The following STK39 variants were observed in gnomAD, a reference collection of about 807,000 sequenced individuals.
The protein encoded by STK39 is serine/threonine kinase 39.
In STK39, 20 loss-of-function variants were observed where a neutral mutation model predicts 77.8. The ratio of observed to expected loss-of-function variants is 0.26; its 90% confidence interval spans 0.18 to 0.37. STK39 has a LOEUF of 0.37. STK39 is among the 10% of genes least tolerant of loss of function. The pLI, the probability that STK39 is intolerant of heterozygous loss-of-function variation, is 1.00. For missense variants in STK39, 479 were observed against 656.5 expected, an observed-to-expected ratio of 0.73 and a Z score of 2.95; for synonymous variants, 246 against 234.1, an observed-to-expected ratio of 1.05 and a Z score of -0.47.
intron 10 of STK39, among the ~76,000 whole-genome samples, chr2:168,102,558 C>A (rs1258478626): frequency 1.3e-5 from 2 of 152,176 alleles, no homozygotes; most frequent in African/African-American, 4.8e-5. Flanking sequence ...CTCACAAATT[C>A]TGAGAAGGCT....
intron 8 of STK39, among the ~76,000 whole-genome samples, chr2:168,137,849 C>T (rs1687878384): frequency 6.6e-6 from 1 of 152,232 alleles, no homozygotes; most frequent in Admixed American, 6.5e-5. Flanking sequence ...TTAACAAGCA[C>T]AGTGAATCTT....
intron 14 of STK39, among the ~76,000 whole-genome samples, chr2:168,049,210 C>T (rs1685330766): frequency 6.6e-6 from 1 of 152,126 alleles, no homozygotes; most frequent in South Asian, 2.1e-4. Context: ...AATTCTCTCC[C>T]GGCTACCACC....
intron 16 of STK39, among the ~76,000 whole-genome samples, chr2:167,982,868 C>T (rs1559043580): frequency 6.6e-6 from 1 of 152,168 alleles, no homozygotes; most frequent in East Asian, 1.9e-4. Flanking sequence ...CTTTATGTTA[C>T]TCACCCCATC....
At chr2:168,158,915 C>A (rs1688501869) in intron 5 of STK39, among the ~76,000 whole-genome samples, 1 of 152,146 alleles carries the variant, frequency 6.6e-6, no homozygotes, top group Admixed American at 6.5e-5. Context: ...TTCAACAGAA[C>A]CAGGCTCATT....
intron 1 of STK39, among the ~76,000 whole-genome samples, chr2:168,239,966 C>T (rs1160214533): frequency 6.6e-6 from 1 of 152,174 alleles, no homozygotes; most frequent in Non-Finnish European, 1.5e-5. Flanking sequence ...ATGGTGTGTT[C>T]AATTCATGAA....
At position 168,022,116 on chromosome 2, in the gene STK39, A is replaced by G. The variant is rs192741689; in HGVS notation, c.1377-5021T>C. Reference sequence around the variant, plus strand: ...TTTTCTCATTCTTTTCTTTATAACTACATAGTTTTCTCTGGGATGCTACAG... The same window carrying G: ...TTTTCTCATTCTTTTCTTTATAACTGCATAGTTTTCTCTGGGATGCTACAG... On this transcript the variant is annotated intron_variant, in intron 14 of 17. Coordinates refer to ENST00000355999, the MANE Select transcript of STK39 (RefSeq NM_013233.3). Among the ~76,000 whole-genome samples the G allele has an allele frequency of 3.2e-3, 466 of 146,356 alleles. 3 individuals are homozygous for G. The highest frequency in any genetic ancestry group is 0.012 in the African/African-American group (429 of 36,006).
chr2:168,185,878 T>TTA (rs1380733093), intron 1 of STK39, among the ~76,000 whole-genome samples: 1 of 152,184 alleles, frequency 6.6e-6, no homozygotes, highest in Non-Finnish European at 1.5e-5. Flanking sequence ...GTTCACTAGA[T>TTA]AATAAAGTGC....
intron 5 of STK39, among the ~76,000 whole-genome samples, chr2:168,155,673 T>C (rs887406516): frequency 6.6e-6 from 1 of 152,216 alleles, no homozygotes; most frequent in African/African-American, 2.4e-5. Flanking sequence ...TTTAGCCTCA[T>C]GGCTTGCAGG....
chr2:168,169,726 C>T (rs903840520), intron 2 of STK39, among the ~76,000 whole-genome samples: 9 of 151,840 alleles, frequency 5.9e-5, no homozygotes, highest in African/African-American at 2.2e-4. Context: ...CTTCAAAACT[C>T]TGAGTCTTAG....
rs1690793138 is a variant in STK39, at chr2:168,242,563, ATATATATATATAT to A, written c.208+4652_208+4664del. Among the ~76,000 whole-genome samples, 13 of 57,882 alleles carry A rather than the reference ATATATATATATAT, an allele frequency of 2.2e-4. 2 individuals carry two copies. Among genetic ancestry groups the A allele is most frequent in the East Asian group, 6.2e-4 (1 of 1,614 alleles). 38.0% of individuals were successfully genotyped at this position (57,882 alleles called of 152,430 possible). A position where few individuals can be genotyped will look rare whatever the true frequency, so the allele number is the denominator to read the frequency against. ...GACTCTTACAAAAAAAAAAAAAAATATATATATATATATATATATATATATATATATATAAAGA... is the reference window on the plus strand; with the variant it reads ...GACTCTTACAAAAAAAAAAAAAAATAATATATATATATATATATATAAAGA... On this transcript the variant is annotated intron_variant, in intron 1 of 17. Coordinates refer to ENST00000355999, the MANE Select transcript of STK39 (RefSeq NM_013233.3).
chr2:168,008,769 A>G (rs1446271073), intron 16 of STK39, among the ~76,000 whole-genome samples: 1 of 152,184 alleles, frequency 6.6e-6, no homozygotes, highest in Admixed American at 6.5e-5. Flanking sequence ...AGGAAATACC[A>G]GTAAGATGGG....
At chr2:168,091,597 G>C (rs1446935738) in intron 10 of STK39, among the ~76,000 whole-genome samples, 3 of 152,210 alleles carry the variant, frequency 2.0e-5, no homozygotes, top group African/African-American at 7.2e-5. Context: ...AAGACTGACA[G>C]GTGTGACACG....
chr2:168,223,843 T>A (rs1690240554), intron 1 of STK39, among the ~76,000 whole-genome samples: 1 of 152,148 alleles, frequency 6.6e-6, no homozygotes, highest in Admixed American at 6.5e-5. Flanking sequence ...CAGAATTATC[T>A]GGTCGACTTG....
At chr2:168,103,173 G>A (rs1385479808) in intron 10 of STK39, among the ~76,000 whole-genome samples, 1 of 152,108 alleles carries the variant, frequency 6.6e-6, no homozygotes, top group African/African-American at 2.4e-5. Context: ...CTGGACTGCT[G>A]ATGATGACAA....
At chr2:168,147,045 A>G (rs956664760) in intron 5 of STK39, among the ~76,000 whole-genome samples, 14 of 152,148 alleles carry the variant, frequency 9.2e-5, no homozygotes, top group Non-Finnish European at 7.4e-5. Flanking sequence ...AGTTCAGTGT[A>G]TTTTTCTTTA....
intron 14 of STK39, among the ~76,000 whole-genome samples, chr2:168,047,314 C>T (rs1363796888): frequency 6.6e-6 from 1 of 152,174 alleles, no homozygotes. Flanking sequence ...AATGGTATAG[C>T]CATGCTGTGG....
chr2:168,184,386 C>G (rs2105636282), intron 1 of STK39, among the ~76,000 whole-genome samples: 1 of 152,294 alleles, frequency 6.6e-6, no homozygotes, highest in South Asian at 2.1e-4. Flanking sequence ...GACCTGAGAT[C>G]ATTGTCACAA....
chr2:168,005,398 G>A (rs1029196917), intron 16 of STK39, among the ~76,000 whole-genome samples: 6 of 144,782 alleles, frequency 4.1e-5, no homozygotes, highest in African/African-American at 8.1e-5. Flanking sequence ...GGCAAGGAAC[G>A]TGGGAAAACG....
intron 16 of STK39, among the ~76,000 whole-genome samples, chr2:167,979,219 T>A (rs1386387042): frequency 6.6e-6 from 1 of 152,184 alleles, no homozygotes; most frequent in Admixed American, 6.5e-5. Flanking sequence ...GATCACATGA[T>A]AGAAGTATTT....
Sources: gnomAD v4.1 joint callset for allele counts (sites outside exome capture counted in the v4.1 genomes callset) on GRCh38, gnomAD v4.1.1 for gene constraint, MANE v1.5 for transcripts, NCBI Gene and HGNC (gene_info 2026-07-23, HGNC 2026-07-21) for gene names.